DMD: variants seen among roughly 807,000 people sequenced by gnomAD.
DMD encodes the protein mutant dystrophin.
A neutral mutation model predicts 330.1 loss-of-function variants in DMD; 63 were observed. The ratio of observed to expected loss-of-function variants is 0.19; its 90% CI spans 0.16 to 0.24. DMD has a LOEUF of 0.24. DMD is among the 10% of genes least tolerant of loss of function. The probability of loss-of-function intolerance (pLI) is 1.00; values close to 1 mark genes in which losing one functional copy is unlikely to be tolerated. For synonymous variants in DMD, 1,223 were observed against 959.8 expected (o/e 1.27, Z -5.07); for missense variants, 3,344 against 2,684.1 (o/e 1.25, Z -5.43).
In DMD at chrX:32,553,849, T is replaced by C. The variant is rs766266430; in HGVS notation, c.1993-8515A>G. Among the ~76,000 whole-genome samples, 82 of 111,961 alleles carry C rather than the reference T, an allele frequency of 7.3e-4. 1 individual carries two copies. The highest frequency in any genetic ancestry group is 2.6e-3 in the African/African-American group (79 of 30,817). On this transcript the variant is annotated intron_variant, in intron 16 of 78. Coordinates refer to ENST00000357033, the MANE Select transcript of DMD (RefSeq NM_004006.3). ...GGTGTGGACCTCCCCCTTGCTGCTC[T>C]CCTGATAAGAGTTCTCATGAGATTT...
At chrX:32,600,789 G>A (rs773810014) in intron 12 of DMD, among the ~76,000 whole-genome samples, 90 of 110,659 alleles carry the variant, frequency 8.1e-4, no homozygotes, top group Non-Finnish European at 1.5e-3. Flanking sequence ...AAAGACTAAC[G>A]AGAAAAAAAT....
At chrX:31,966,892 A>AATACTTTAT (rs2095356080) in intron 45 of DMD, among the ~76,000 whole-genome samples, 1 of 110,879 alleles carries the variant, frequency 9.0e-6, no homozygotes, top group East Asian at 2.8e-4. Context: ...AATAGGAAAC[A>AATACTTTAT]ATACTTTATA....
intron 1 of DMD, among the ~76,000 whole-genome samples, chrX:33,040,623 GCAA>G (rs1275918184): frequency 1.8e-5 from 2 of 110,797 alleles, no homozygotes; most frequent in Non-Finnish European, 3.8e-5. Flanking sequence ...GGTTGCTACA[GCAA>G]CAACAACCCC....
intron 1 of DMD, among the ~76,000 whole-genome samples, chrX:33,307,790 A>G (rs1409683319): frequency 9.0e-6 from 1 of 111,693 alleles, no homozygotes; most frequent in Non-Finnish European, 1.9e-5. Context: ...CAGCGCCTCT[A>G]TTGTTAGGGT....
chrX:32,762,144 C>T (rs892495416), intron 7 of DMD, among the ~76,000 whole-genome samples: 2 of 101,871 alleles, frequency 2.0e-5, no homozygotes, highest in Non-Finnish European at 3.9e-5. Flanking sequence ...GAGCAAGACT[C>T]TGTCTCAAAA....
intron 59 of DMD, among the ~76,000 whole-genome samples, chrX:31,456,831 CAT>C (rs1162313368): frequency 2.2e-3 from 165 of 76,623 alleles, no homozygotes; most frequent in African/African-American, 7.9e-3. Context: ...ACTGTGCCCA[CAT>C]ATATGTGTGT....
chrX:32,235,314 T>C (rs1171335001), intron 43 of DMD, among the ~76,000 whole-genome samples: 1 of 110,130 alleles, frequency 9.1e-6, no homozygotes, highest in Non-Finnish European at 1.9e-5. Context: ...TGTGCTCCTA[T>C]GGGAATTTAA....
chrX:33,008,951 C>CAT (rs1319883161), intron 2 of DMD, among the ~76,000 whole-genome samples: 1 of 82,642 alleles, frequency 1.2e-5, no homozygotes, highest in Admixed American at 1.3e-4. Flanking sequence ...CGTATATATA[C>CAT]GTATATATAC....
chrX:32,570,823 G>A (rs2052334064), intron 15 of DMD, among the ~76,000 whole-genome samples: 1 of 111,423 alleles, frequency 9.0e-6, no homozygotes, highest in Admixed American at 9.5e-5. Flanking sequence ...TAACATATTT[G>A]GATTTTGTCA....
intron 55 of DMD, among the ~76,000 whole-genome samples, chrX:31,555,593 A>G (rs745951237): frequency 3.6e-5 from 4 of 111,862 alleles, no homozygotes; most frequent in Non-Finnish European, 5.6e-5. Context: ...ATGGCTAGTC[A>G]TCAGGCTATT....
At chrX:31,640,375 T>A (rs1301139031) in intron 54 of DMD, among the ~76,000 whole-genome samples, 1 of 112,392 alleles carries the variant, frequency 8.9e-6, no homozygotes, top group African/African-American at 3.2e-5. Flanking sequence ...CTAACTATTT[T>A]AAGTTTACCT....
chrX:32,282,735 G>A (rs892042702), intron 43 of DMD, among the ~76,000 whole-genome samples: 3 of 112,067 alleles, frequency 2.7e-5, no homozygotes, highest in Non-Finnish European at 5.6e-5. Context: ...AGAGATGACT[G>A]AACGAGAAAT....
At chrX:31,647,316 G>A (rs141423905) in intron 54 of DMD, among the ~76,000 whole-genome samples, 1,345 of 111,660 alleles carry the variant, frequency 0.012, 8 homozygotes, top group South Asian at 0.038. Flanking sequence ...GCAGATTTGG[G>A]ATGGAACAAC....
intron 25 of DMD, among the ~76,000 whole-genome samples, chrX:32,460,843 C>T (rs936252711): frequency 8.9e-6 from 1 of 111,867 alleles, no homozygotes. Context: ...GTAAGCAAGA[C>T]TTCAAACAAG....
chrX:33,330,620 A>G (rs1485762287), intron 1 of DMD, among the ~76,000 whole-genome samples: 1 of 111,921 alleles, frequency 8.9e-6, no homozygotes, highest in Non-Finnish European at 1.9e-5. Flanking sequence ...TTGCATGGTC[A>G]TGCTCATGCT....
At chrX:31,591,011 T>C (rs965903994) in intron 55 of DMD, among the ~76,000 whole-genome samples, 9 of 111,711 alleles carry the variant, frequency 8.1e-5, no homozygotes, top group African/African-American at 2.9e-4. Context: ...ATATGGCTAC[T>C]GAGCACTTGA....
Position 32,130,197 on chromosome X carries a change from G to A in DMD, c.6438+86719C>T, listed in dbSNP as rs1405677183. On this transcript the variant is annotated intron_variant, in intron 44 of 78. Transcript: ENST00000357033. ...ATAATTTGCCTTATCACTCCACACT[G>A]GTGCAAGTGGTGCAGAAATAAGAGC... 9.0e-5 allele frequency among the ~76,000 whole-genome samples: 10 copies of A among 110,621 alleles called. No individual in the cohort carries two copies. The Admixed American group carries it at 9.6e-4, about 11-fold the overall frequency.
At chrX:32,470,344 A>G (rs1387796421) in intron 22 of DMD, among the ~76,000 whole-genome samples, 1 of 111,581 alleles carries the variant, frequency 9.0e-6, no homozygotes, top group Non-Finnish European at 1.9e-5. Context: ...CTAAATTTTT[A>G]TAACATTATT....
rs182363123 is a variant in DMD at position 32,323,919 on chromosome X, A to G, written c.5923-13643T>C. 1.7e-4 allele frequency among the ~76,000 whole-genome samples: 19 copies of G among 111,741 alleles called. No homozygotes were observed. The East Asian group carries it at 5.1e-3, about 30-fold the overall frequency. On this transcript the variant is annotated intron_variant, in intron 41 of 78. Coordinates refer to ENST00000357033, the MANE Select transcript of DMD (RefSeq NM_004006.3). ...TAAAGATGAACTATCTATCATTTTTATATCTTCATAAGATCAAGCACGTAT... is the reference window on the plus strand; with the variant it reads ...TAAAGATGAACTATCTATCATTTTTGTATCTTCATAAGATCAAGCACGTAT...
Sources: allele counts gnomAD v4.1 joint callset (sites outside exome capture counted in the v4.1 genomes callset), GRCh38; gene constraint gnomAD v4.1.1; transcripts MANE v1.5; gene names NCBI Gene and HGNC (gene_info 2026-07-23, HGNC 2026-07-21).